GOLGB1: variants seen among roughly 807,000 people sequenced by gnomAD.
GOLGB1 encodes the protein golgin subfamily B member 1.
GOLGB1 carries 174 observed loss-of-function variants against 336.9 expected under a neutral mutation model. The observed-to-expected ratio is 0.52, with a 90% CI of 0.46 to 0.59. GOLGB1 has a LOEUF of 0.59. Ranked by LOEUF, GOLGB1 falls within the 20% of genes least tolerant of loss-of-function variation. GOLGB1 has a pLI of 0.00. For missense variants in GOLGB1, 3,331 were observed against 3,645.3 expected (o/e 0.91, Z 2.22); for synonymous variants, 1,208 against 1,289.2 (o/e 0.94, Z 1.35).
chr3:121,687,039 G>A (rs1015219363), intron 14 of GOLGB1, among the ~76,000 whole-genome samples: 1 of 152,110 alleles, frequency 6.6e-6, no homozygotes, highest in East Asian at 1.9e-4. Flanking sequence ...TTTGGGAGCC[G>A]AGGCAGGTGG....
intron 1 of GOLGB1, among the ~76,000 whole-genome samples, chr3:121,743,749 A>C (rs1314837308): frequency 6.6e-6 from 1 of 152,218 alleles, no homozygotes; most frequent in Non-Finnish European, 1.5e-5. Context: ...ACTTTACCAA[A>C]TTGTCAAAAA....
In GOLGB1 at chr3:121,692,365, T is replaced by G; in HGVS notation, c.6999A>C (p.Leu2333Phe). Reference protein sequence around the residue: ...KDQLTDLSNSLEKCKEQKGNL... With the variant: ...KDQLTDLSNSFEKCKEQKGNL... ...TTCCTTTTTGTTCCTTACATTTTTC[T>G]AAAGAGTTACTTAAATCAGTCAACT... Residue 2333 changes from leucine to phenylalanine, a missense_variant, in exon 14 of 22, where the codon TTA (leucine) becomes TTC (phenylalanine). Coordinates refer to ENST00000614479, the MANE Select transcript of GOLGB1 (RefSeq NM_001366282.2). 1 of 1,605,756 alleles carries G rather than the reference T, an allele frequency of 6.2e-7. No homozygotes were observed. Among genetic ancestry groups the G allele is most frequent in the Non-Finnish European group, 8.5e-7 (1 of 1,177,800 alleles).
At chr3:121,710,786 G>A (rs1442561783) in intron 10 of GOLGB1, among the ~76,000 whole-genome samples, 1 of 151,906 alleles carries the variant, frequency 6.6e-6, no homozygotes, top group Non-Finnish European at 1.5e-5. Flanking sequence ...AAGCCCAGGA[G>A]GTTGAGGCTG....
chr3:121,696,222 A>T lies in GOLGB1; in HGVS notation c.4301T>A (p.Ile1434Lys), dbSNP rs1393663762. The change falls in exon 13 of 22, where the codon ATA becomes AAA. Residue 1434 changes from isoleucine (I) to lysine (K), a missense_variant. Ile to Lys is a moderately radical substitution (Grantham distance 102). Transcript: ENST00000614479. The stretch of plus-strand genomic sequence containing the variant: ...CTTAATTAAATCTTCTTGTTCTATT[A>T]TCTCTGTCTGTATTTTAGTGAGAGC... ...EAALTKIQTE[I>K]IEQEDLIKAL... 5.6e-6 allele frequency: 9 copies of T among 1,613,892 alleles called. No homozygotes were observed. Among genetic ancestry groups the T allele is most frequent in the African/African-American group, 2.7e-5 (2 of 74,904 alleles).
chr3:121,677,161 C>A, intron 16 of GOLGB1, 124 bp downstream of exon 16: 1 of 1,237,132 alleles, frequency 8.1e-7, no homozygotes, highest in Non-Finnish European at 1.1e-6. Flanking sequence ...GGCAGATGGG[C>A]ACTTAATTTG....
intron 1 of GOLGB1, among the ~76,000 whole-genome samples, chr3:121,748,090 C>G (rs1275755609): frequency 6.6e-6 from 1 of 151,782 alleles, no homozygotes; most frequent in Non-Finnish European, 1.5e-5. Flanking sequence ...AAAACTCAAG[C>G]AGAAGGTTGA....
chr3:121,670,758 G>GC (rs1312946404), intron 17 of GOLGB1, among the ~76,000 whole-genome samples: 1 of 149,330 alleles, frequency 6.7e-6, no homozygotes, highest in African/African-American at 2.5e-5. Context: ...TTTCTTTTGG[G>GC]GGGGGGGGTG....
chr3:121,699,461 T>A (rs1331574846), intron 12 of GOLGB1, among the ~76,000 whole-genome samples: 2 of 152,198 alleles, frequency 1.3e-5, no homozygotes, highest in Non-Finnish European at 2.9e-5. Context: ...TCCCTTTTTA[T>A]TTAATCTTAG....
chr3:121,713,518 A>C (rs936404342), intron 10 of GOLGB1, among the ~76,000 whole-genome samples: 4 of 152,238 alleles, frequency 2.6e-5, no homozygotes, highest in Admixed American at 2.0e-4. Flanking sequence ...AAAGCTTTAC[A>C]CATAAGAGGA....
At chr3:121,678,675 C>T (rs1356330310) in intron 15 of GOLGB1, among the ~76,000 whole-genome samples, 1 of 151,888 alleles carries the variant, frequency 6.6e-6, no homozygotes, top group African/African-American at 2.4e-5. Context: ...TCAAGCAATT[C>T]TCCTGCCTCA....
chr3:121,697,089 A>C lies in GOLGB1; in HGVS notation c.3434T>G (p.Leu1145Arg). The C allele has an allele frequency of 6.2e-7, 1 of 1,614,072 alleles. No individual in the cohort carries two copies. The highest frequency in any genetic ancestry group is 8.5e-7 in the Non-Finnish European group (1 of 1,179,954). ...ACTTATCACCACTGTTTCCTTTACAAGTGCTACGGAGTCCCCATCACTTGC... is the reference window on the plus strand; with the variant it reads ...ACTTATCACCACTGTTTCCTTTACACGTGCTACGGAGTCCCCATCACTTGC... The part of the protein sequence containing the change: ...TDASDGDSVA[L>R]VKETVVISPP... The change falls in exon 13 of 22, where the codon CTT becomes CGT. Residue 1145 changes from leucine to arginine, a missense_variant. By Grantham distance (102) the Leu-to-Arg change is moderately radical. Transcript: ENST00000614479.
chr3:121,675,645 T>C (rs1940271905), intron 17 of GOLGB1, among the ~76,000 whole-genome samples: 2 of 152,264 alleles, frequency 1.3e-5, no homozygotes, highest in Non-Finnish European at 2.9e-5. Context: ...AGTTCTGGTA[T>C]GTTCTGATTC....
chr3:121,702,698 C>A lies in GOLGB1; in HGVS notation c.1405-103G>T, dbSNP rs541026104. 456 of 437,084 alleles carry A rather than the reference C, an allele frequency of 1.0e-3. 3 individuals are homozygous for A. The highest frequency in any genetic ancestry group is 8.6e-3 in the African/African-American group (429 of 49,720). 27.1% of individuals were successfully genotyped at this position (437,084 alleles called of 1,614,324 possible). A position where few individuals can be genotyped will look rare whatever the true frequency, so the allele number is the denominator to read the frequency against. ...TTTTTGTCTTCTAGAAGTTCTCCAGCCATGAAAATACTTTAAAAATAACAT... is the reference window on the plus strand; with the variant it reads ...TTTTTGTCTTCTAGAAGTTCTCCAGACATGAAAATACTTTAAAAATAACAT... On this transcript the variant is annotated intron_variant, in intron 10 of 21. Transcript: ENST00000614479.
intron 14 of GOLGB1, among the ~76,000 whole-genome samples, chr3:121,682,717 G>A: frequency 6.6e-6 from 1 of 152,244 alleles, no homozygotes; most frequent in East Asian, 1.9e-4. Flanking sequence ...CACCCACTTA[G>A]AGACATCGCT....
intron 1 of GOLGB1, among the ~76,000 whole-genome samples, chr3:121,738,449 A>T (rs1022627140): frequency 6.6e-6 from 1 of 152,332 alleles, no homozygotes; most frequent in Admixed American, 6.5e-5. Flanking sequence ...ATATAGACAA[A>T]CCGCCAATAG....
chr3:121,744,109 A>G (rs1947076434), intron 1 of GOLGB1, among the ~76,000 whole-genome samples: 2 of 152,200 alleles, frequency 1.3e-5, no homozygotes, highest in Admixed American at 1.3e-4. Context: ...TGAGGAACAC[A>G]TACACATGAA....
Position 121,714,887 on chromosome 3 carries a change from G to A in GOLGB1, c.1378C>T (p.Pro460Ser). 1 of 1,607,514 alleles carries A rather than the reference G, an allele frequency of 6.2e-7. No homozygotes were observed. The highest frequency in any genetic ancestry group is 8.5e-7 in the Non-Finnish European group (1 of 1,174,330). Residue 460 changes from proline (P) to serine (S), a missense_variant, in exon 10 of 22, where the codon CCA (proline) becomes TCA (serine). Transcript: ENST00000614479. The stretch of plus-strand genomic sequence containing the variant: ...TGTGTGCCCTCATTATAAACATCTG[G>A]GAAAGAAGTCTGAGATGCTGTTTCA... ...QHETASQTSF[P>S]DVYNEGTQAV... is the part of the protein sequence containing the mutation.
Position 121,691,091 on chromosome 3 carries a change from T to G in GOLGB1, c.8273A>C (p.Glu2758Ala). The change falls in exon 14 of 22, where the codon GAA becomes GCA. Residue 2758 changes from glutamate to alanine, a missense_variant. Coordinates refer to ENST00000614479, the MANE Select transcript of GOLGB1 (RefSeq NM_001366282.2). ...LQNSRDHANEELDELKRKYDA... is the reference protein window; with the variant it reads ...LQNSRDHANEALDELKRKYDA... ...ATATTTCCTTTTCAGTTCATCAAGT[T>G]CCTCATTGGCATGATCTCTACTATT... is the stretch of plus-strand genomic sequence containing the variant. The G allele has an allele frequency of 6.2e-7, 1 of 1,614,104 alleles. No homozygotes were observed. Among genetic ancestry groups the G allele is most frequent in the Non-Finnish European group, 8.5e-7 (1 of 1,180,014 alleles).
chr3:121,741,208 T>G (rs1946829238), intron 1 of GOLGB1, among the ~76,000 whole-genome samples: 1 of 152,086 alleles, frequency 6.6e-6, no homozygotes, highest in Non-Finnish European at 1.5e-5. Flanking sequence ...CCTAAAGAAT[T>G]TACTAGAGGC....
Sources: allele counts gnomAD v4.1 joint callset (sites outside exome capture counted in the v4.1 genomes callset), GRCh38; gene constraint gnomAD v4.1.1; transcripts MANE v1.5; gene names NCBI Gene and HGNC (gene_info 2026-07-23, HGNC 2026-07-21).